NALF1: variants seen among roughly 807,000 people sequenced by gnomAD.
The protein encoded by NALF1 is family with sequence similarity 155 member A.
Under a neutral mutation model 48.4 loss-of-function variants are expected in NALF1, and 3 were observed. That is an observed-to-expected ratio of 0.06 (90% confidence interval 0.03 to 0.16). NALF1 has a LOEUF of 0.16. Ranked by LOEUF, NALF1 falls within the 10% of genes least tolerant of loss-of-function variation. The probability of loss-of-function intolerance (pLI) is 1.00; values close to 1 mark genes in which losing one functional copy is unlikely to be tolerated. For synonymous variants in NALF1, 262 were observed against 245.7 expected, an observed-to-expected ratio of 1.07 and a Z score of -0.62; for missense variants, 526 against 571.5, an observed-to-expected ratio of 0.92 and a Z score of 0.81.
At chr13:107,301,558 A>G (rs887454167) in intron 1 of NALF1, among the ~76,000 whole-genome samples, 8 of 152,168 alleles carry the variant, frequency 5.3e-5, no homozygotes, top group Non-Finnish European at 1.2e-4. Context: ...TTATCTTCTC[A>G]TGTGCATTTT....
At chr13:107,226,426 CT>C (rs1256515668) in intron 1 of NALF1, among the ~76,000 whole-genome samples, 2 of 152,246 alleles carry the variant, frequency 1.3e-5, no homozygotes, top group Admixed American at 1.3e-4. Flanking sequence ...GAAATTGTTT[CT>C]TTTACAATGA....
intron 1 of NALF1, among the ~76,000 whole-genome samples, chr13:107,747,832 C>T (rs1004143180): frequency 5.3e-5 from 8 of 152,126 alleles, no homozygotes; most frequent in African/African-American, 1.9e-4. Context: ...AACACACGCA[C>T]ACATGCACAT....
chr13:107,601,173 C>T (rs1440771201), intron 1 of NALF1, among the ~76,000 whole-genome samples: 3 of 152,082 alleles, frequency 2.0e-5, no homozygotes. Flanking sequence ...GTGCAATGCT[C>T]CCCGACCTCA....
intron 2 of NALF1, among the ~76,000 whole-genome samples, chr13:107,179,563 A>G (rs1435433875): frequency 1.3e-5 from 2 of 151,614 alleles, no homozygotes; most frequent in African/African-American, 4.9e-5. Flanking sequence ...GGGGGTGGGT[A>G]CCCCATTTAC....
chr13:107,826,384 A>C (rs1435292922), intron 1 of NALF1, among the ~76,000 whole-genome samples: 1 of 152,132 alleles, frequency 6.6e-6, no homozygotes, highest in Non-Finnish European at 1.5e-5. Context: ...GGTGTTCCTC[A>C]GGAATGCCCA....
At chr13:107,225,599 T>G (rs1880085268) in intron 1 of NALF1, among the ~76,000 whole-genome samples, 1 of 152,066 alleles carries the variant, frequency 6.6e-6, no homozygotes, top group Non-Finnish European at 1.5e-5. Context: ...TAAACTTAAA[T>G]TTCAACCAAC....
At chr13:107,694,318 T>C (rs951697906) in intron 1 of NALF1, among the ~76,000 whole-genome samples, 21 of 152,178 alleles carry the variant, frequency 1.4e-4, no homozygotes, top group African/African-American at 5.1e-4. Context: ...TTATACATTT[T>C]TTTTTGCCTC....
At chr13:107,803,280 C>T (rs535246302) in intron 1 of NALF1, among the ~76,000 whole-genome samples, 83 of 152,110 alleles carry the variant, frequency 5.5e-4, no homozygotes, top group Admixed American at 1.2e-3. Context: ...ATTCTAAGGG[C>T]AATTACAAAA....
At chr13:107,825,748 T>A (rs976816214) in intron 1 of NALF1, among the ~76,000 whole-genome samples, 1 of 152,168 alleles carries the variant, frequency 6.6e-6, no homozygotes, top group Non-Finnish European at 1.5e-5. Flanking sequence ...CAATAATGTA[T>A]CCATATTTTG....
chr13:107,247,317 C>A (rs7998892), intron 1 of NALF1, among the ~76,000 whole-genome samples: 105,480 of 152,052 alleles, frequency 0.69, 36,679 homozygotes, highest in South Asian at 0.8. Context: ...GTCTAGTATC[C>A]TCTATTAGAA....
intron 1 of NALF1, among the ~76,000 whole-genome samples, chr13:107,738,489 A>T (rs1180930760): frequency 6.6e-6 from 1 of 152,148 alleles, no homozygotes; most frequent in African/African-American, 2.4e-5. Flanking sequence ...TCATTCTTCT[A>T]ACAGTCAATT....
intron 1 of NALF1, among the ~76,000 whole-genome samples, chr13:107,836,041 G>C (rs900611008): frequency 1.3e-4 from 20 of 152,064 alleles, no homozygotes; most frequent in African/African-American, 4.8e-4. Context: ...GCCCACATTG[G>C]AGTGCAATGA....
intron 1 of NALF1, among the ~76,000 whole-genome samples, chr13:107,524,002 C>T (rs1876344627): frequency 6.6e-6 from 1 of 151,950 alleles, no homozygotes; most frequent in Non-Finnish European, 1.5e-5. Flanking sequence ...GACAATTCCC[C>T]ACTGCTGAAT....
intron 1 of NALF1, among the ~76,000 whole-genome samples, chr13:107,747,561 G>A (rs908777873): frequency 4.3e-4 from 65 of 152,272 alleles, no homozygotes; most frequent in African/African-American, 1.5e-3. Context: ...AAACTCTGGT[G>A]TAAATCTAAT....
intron 1 of NALF1, among the ~76,000 whole-genome samples, chr13:107,808,698 T>C (rs987439920): frequency 7.4e-6 from 1 of 136,004 alleles, no homozygotes; most frequent in East Asian, 1.9e-4. Context: ...ACTGCTTAGA[T>C]AGATTAGGAG....
intron 1 of NALF1, among the ~76,000 whole-genome samples, chr13:107,248,362 CCTG>C (rs1880628364): frequency 6.6e-6 from 1 of 151,986 alleles, no homozygotes; most frequent in South Asian, 2.1e-4. Flanking sequence ...ACCTATCATT[CCTG>C]CTGAGGTATT....
intron 1 of NALF1, among the ~76,000 whole-genome samples, chr13:107,505,103 G>A (rs2491587): frequency 0.047 from 7,085 of 152,252 alleles, 547 homozygotes; most frequent in African/African-American, 0.16. Flanking sequence ...ATGACTTTGA[G>A]GACTTCAAGG....
rs552709378 is a variant in NALF1 at position 107,164,760 on chromosome 13, G to A, written c.*5737C>T. ...AAACTGTATTGAAAATCTATTGATG[G>A]TCAGTCTGCTAGCTTAAGGATGTGA... is the stretch of plus-strand genomic sequence containing the variant. On this transcript the variant is annotated 3_prime_UTR_variant, in exon 3 of 3. Coordinates refer to ENST00000375915, the MANE Select transcript of NALF1 (RefSeq NM_001080396.3). 1 of 152,046 alleles carries A rather than the reference G, an allele frequency of 6.6e-6. No individual in the cohort carries two copies. The highest frequency in any genetic ancestry group is 2.1e-4 in the South Asian group (1 of 4,814). 9.4% of individuals were successfully genotyped at this position (152,046 alleles called of 1,614,324 possible).
intron 1 of NALF1, among the ~76,000 whole-genome samples, chr13:107,521,548 A>G (rs1876238349): frequency 2.6e-5 from 4 of 152,188 alleles, no homozygotes; most frequent in African/African-American, 7.2e-5. Flanking sequence ...CACTAGTTAG[A>G]ATAACAAATT....
Sources: gnomAD v4.1 joint callset for allele counts (sites outside exome capture counted in the v4.1 genomes callset) on GRCh38, gnomAD v4.1.1 for gene constraint, MANE v1.5 for transcripts, NCBI Gene and HGNC (gene_info 2026-07-23, HGNC 2026-07-21) for gene names.